Variants in ST8SIA6 observed in about 807,000 individuals in gnomAD.
The protein encoded by ST8SIA6 is alpha-2,8-sialyltransferase 8F.
ST8SIA6 carries 39 observed loss-of-function variants against 33.6 expected under a neutral mutation model. The ratio of observed to expected loss-of-function variants is 1.16; its 90% CI spans 0.90 to 1.52. The LOEUF (loss-of-function observed/expected upper bound fraction) is 1.52. Among genes scored for constraint, ST8SIA6 ranks in the 40% most tolerant of loss-of-function variants. The pLI, the probability that ST8SIA6 is intolerant of heterozygous loss-of-function variation, is 0.00. For missense variants in ST8SIA6, 441 were observed against 443.8 expected (o/e 0.99, Z 0.06); for synonymous variants, 172 against 167.2 (o/e 1.03, Z -0.22).
chr10:17,408,612 A>G (rs1851349682), intron 2 of ST8SIA6, among the ~76,000 whole-genome samples: 1 of 151,998 alleles, frequency 6.6e-6, no homozygotes, highest in Non-Finnish European at 1.5e-5. Context: ...GTGAGCCGCG[A>G]TGGTGCCACT....
chr10:17,325,633 C>A (rs45460299), intron 6 of ST8SIA6, among the ~76,000 whole-genome samples: 2,854 of 151,986 alleles, frequency 0.019, 30 homozygotes, highest in African/African-American at 0.023. Flanking sequence ...AGTTTGTTTT[C>A]TGAACTGTCA....
At chr10:17,401,980 T>G (rs1851058626) in intron 2 of ST8SIA6, among the ~76,000 whole-genome samples, 1 of 152,038 alleles carries the variant, frequency 6.6e-6, no homozygotes, top group South Asian at 2.1e-4. Context: ...GAAACTACCA[T>G]CAGAGTGAAG....
intron 4 of ST8SIA6, among the ~76,000 whole-genome samples, chr10:17,356,901 C>CA (rs1411394235): frequency 3.8e-4 from 57 of 151,000 alleles, no homozygotes; most frequent in African/African-American, 8.3e-4. Flanking sequence ...GATTTTTGTC[C>CA]AAAAAAAAGA....
rs937863546 is a variant in ST8SIA6, at chr10:17,345,171, G to C, written c.378-13619C>G. Among the ~76,000 whole-genome samples the C allele has an allele frequency of 2.6e-5, 4 of 152,294 alleles. No homozygotes were observed. In the South Asian group the frequency reaches 8.3e-4, roughly 32 times the overall value. On this transcript the variant is annotated intron_variant, in intron 4 of 7. Coordinates refer to ENST00000377602, the MANE Select transcript of ST8SIA6 (RefSeq NM_001004470.3). ...TGAGGCATCACAGAAGGAGCTGCAA[G>C]GGGTGAGACTGCAGCACAAAGGCCC...
chr10:17,427,298 T>C (rs1223864131), intron 2 of ST8SIA6, among the ~76,000 whole-genome samples: 2 of 152,156 alleles, frequency 1.3e-5, no homozygotes, highest in African/African-American at 4.8e-5. Context: ...GGGTCTCTCA[T>C]TAAGTCTTCT....
In ST8SIA6 at chr10:17,318,514, C is replaced by A. The variant is rs1847843462; in HGVS notation, c.*2364G>T. ...TACAGGTGTGAGCCATTGCGCCTGGCCTAAAGGGCTGCTCTTGTCTAGTAC... is the reference window on the plus strand; with the variant it reads ...TACAGGTGTGAGCCATTGCGCCTGGACTAAAGGGCTGCTCTTGTCTAGTAC... On this transcript the variant is annotated 3_prime_UTR_variant, in exon 8 of 8. Coordinates refer to ENST00000377602, the MANE Select transcript of ST8SIA6 (RefSeq NM_001004470.3). 2.7e-6 allele frequency: 1 copy of A among 370,394 alleles called. No homozygotes were observed. The highest frequency in any genetic ancestry group is 5.3e-6 in the Non-Finnish European group (1 of 188,256). 22.9% of individuals were successfully genotyped at this position (370,394 alleles called of 1,614,324 possible).
chr10:17,375,415 ATGT>A (rs1465992822), intron 3 of ST8SIA6, among the ~76,000 whole-genome samples: 1 of 152,154 alleles, frequency 6.6e-6, no homozygotes, highest in Non-Finnish European at 1.5e-5. Flanking sequence ...CAATCAGGTC[ATGT>A]TGTTCTCTCC....
In ST8SIA6 at chr10:17,324,705, G is replaced by GTA. The variant is rs565248227; in HGVS notation, c.636-1550_636-1549dup. 3.7e-3 allele frequency among the ~76,000 whole-genome samples: 296 copies of GTA among 79,348 alleles called. 1 individual carries two copies. Among genetic ancestry groups the GTA allele is most frequent in the South Asian group, 0.026 (45 of 1,750 alleles). The allele number at this position is 79,348 out of a possible 152,430, so 52.1% of individuals were successfully genotyped here. On this transcript the variant is annotated intron_variant, in intron 6 of 7. Transcript: ENST00000377602. ...TGCCAGGTATTTTCCTGAATATAGA[G>GTA]TATACACACACACACACACACACAC...
chr10:17,345,635 A>T (rs1187630229), intron 4 of ST8SIA6, among the ~76,000 whole-genome samples: 4 of 152,174 alleles, frequency 2.6e-5, no homozygotes, highest in Non-Finnish European at 5.9e-5. Context: ...GCAGATGGAG[A>T]ACTAGGTGGA....
In ST8SIA6 at chr10:17,331,450, T is replaced by C; in HGVS notation, c.480A>G (p.Lys160=). The C allele has an allele frequency of 6.2e-7, 1 of 1,613,536 alleles. No homozygotes were observed. Residue 160 remains lysine (K), a synonymous_variant, in exon 5 of 8, where the codon AAA becomes AAG. Coordinates refer to ENST00000377602, the MANE Select transcript of ST8SIA6 (RefSeq NM_001004470.3). ...AAATGTTCTTCTTAATTGGGATTTC[T>C]TTTTTGCTTTCCACCTCGTAACTCA... ...TNMSYEVESK[K]EIPIKKNIFH...
chr10:17,339,441 C>G (rs1273000912), intron 4 of ST8SIA6, among the ~76,000 whole-genome samples: 2 of 152,186 alleles, frequency 1.3e-5, no homozygotes, highest in Non-Finnish European at 2.9e-5. Context: ...AATTCATTCT[C>G]CATGATTCTA....
In ST8SIA6 at chr10:17,317,425, G is replaced by T. The variant is rs1370145485; in HGVS notation, c.*3453C>A. Among the ~76,000 whole-genome samples, 4 of 152,112 alleles carry T rather than the reference G, an allele frequency of 2.6e-5. No homozygotes were observed. The highest frequency in any genetic ancestry group is 4.4e-5 in the Non-Finnish European group (3 of 68,022). On this transcript the variant is annotated 3_prime_UTR_variant, in exon 8 of 8. Coordinates refer to ENST00000377602, the MANE Select transcript of ST8SIA6 (RefSeq NM_001004470.3). ...TAGGAAATCTTCAACACTCCTAGCAGCCTCAAGTGGATTTATCAGATCAAG... is the reference window on the plus strand; with the variant it reads ...TAGGAAATCTTCAACACTCCTAGCATCCTCAAGTGGATTTATCAGATCAAG...
intron 4 of ST8SIA6, among the ~76,000 whole-genome samples, chr10:17,358,005 C>G (rs1367570045): frequency 1.3e-5 from 2 of 152,192 alleles, no homozygotes; most frequent in Non-Finnish European, 2.9e-5. Context: ...ACCAGGACCT[C>G]TCAAATCCAG....
rs1231314347 is a variant in ST8SIA6, at chr10:17,361,340, T to C, written c.291-1740A>G. Among the ~76,000 whole-genome samples the C allele has an allele frequency of 2.0e-5, 3 of 151,946 alleles. No individual in the cohort carries two copies. In the South Asian group the frequency reaches 6.2e-4, roughly 31 times the overall value. On this transcript the variant is annotated intron_variant, in intron 3 of 7. Transcript: ENST00000377602. ...ATGAGAGAGGATGGAGCATTAAGAA[T>C]CCTTAAAACATTAAAAGTATAATAA...
intron 2 of ST8SIA6, among the ~76,000 whole-genome samples, chr10:17,401,582 G>C (rs955115899): frequency 1.4e-4 from 21 of 152,148 alleles, no homozygotes; most frequent in African/African-American, 5.1e-4. Context: ...CCAAAACAAA[G>C]ATGGAGACCA....
intron 3 of ST8SIA6, among the ~76,000 whole-genome samples, chr10:17,365,051 T>G (rs1849514824): frequency 6.6e-6 from 1 of 152,234 alleles, no homozygotes; most frequent in African/African-American, 2.4e-5. Context: ...CTCATCTATT[T>G]TCATAATGAA....
At chr10:17,337,319 C>A (rs1328767339) in intron 4 of ST8SIA6, among the ~76,000 whole-genome samples, 4 of 152,150 alleles carry the variant, frequency 2.6e-5, no homozygotes, top group Non-Finnish European at 4.4e-5. Context: ...TTCTTTAGAG[C>A]AGTGCAAGAA....
intron 2 of ST8SIA6, among the ~76,000 whole-genome samples, chr10:17,435,317 C>G (rs1227218191): frequency 6.6e-6 from 1 of 152,196 alleles, no homozygotes; most frequent in East Asian, 1.9e-4. Context: ...GTCCAGAAAG[C>G]TTTATCTCCA....
intron 4 of ST8SIA6, among the ~76,000 whole-genome samples, chr10:17,350,798 G>A (rs1849006792): frequency 6.6e-6 from 1 of 152,140 alleles, no homozygotes; most frequent in East Asian, 1.9e-4. Context: ...ACACTGACAG[G>A]TAAGATACGG....
Sources: gnomAD v4.1 joint callset for allele counts (sites outside exome capture counted in the v4.1 genomes callset) on GRCh38, gnomAD v4.1.1 for gene constraint, MANE v1.5 for transcripts, NCBI Gene and HGNC (gene_info 2026-07-23, HGNC 2026-07-21) for gene names.